The following TCF20 variants were observed in gnomAD, a reference collection of about 807,000 sequenced individuals.
TCF20 encodes transcription factor 20.
In TCF20, 3 loss-of-function variants were observed where a neutral mutation model predicts 148.6. That is an observed-to-expected ratio of 0.02 (90% confidence interval 0.01 to 0.05). The LOEUF (loss-of-function observed/expected upper bound fraction) is 0.05, where lower values mean the gene tolerates loss of function less well. Among genes scored for constraint, TCF20 ranks in the 10% least tolerant of loss-of-function variants. The pLI, the probability that TCF20 is intolerant of heterozygous loss-of-function variation, is 1.00. For missense variants in TCF20, 2,350 were observed against 2,429.3 expected, an observed-to-expected ratio of 0.97 and a Z score of 0.69; for synonymous variants, 1,049 against 909.5, an observed-to-expected ratio of 1.15 and a Z score of -2.76.
intron 1 of TCF20, among the ~76,000 whole-genome samples, chr22:42,312,039 TGGA>T: frequency 6.6e-6 from 1 of 152,178 alleles, no homozygotes; most frequent in African/African-American, 2.4e-5. Context: ...GAGGAAGACA[TGGA>T]GGATGGGGAA....
intron 2 of TCF20, among the ~76,000 whole-genome samples, chr22:42,199,205 T>C (rs2147156723): frequency 6.6e-6 from 1 of 152,342 alleles, no homozygotes; most frequent in Admixed American, 6.5e-5. Flanking sequence ...ATCTTTTTCA[T>C]GACTCAGGAG....
intron 2 of TCF20, among the ~76,000 whole-genome samples, chr22:42,204,324 G>C (rs565981868): frequency 8.3e-4 from 126 of 152,202 alleles, no homozygotes; most frequent in Non-Finnish European, 1.1e-3. Context: ...CTCAAATCCC[G>C]TCTCTACTAA....
chr22:42,174,403 G>A (rs1468688373), intron 3 of TCF20, among the ~76,000 whole-genome samples: 4 of 152,150 alleles, frequency 2.6e-5, no homozygotes, highest in Non-Finnish European at 4.4e-5. Context: ...AACGGGGGCA[G>A]CCTCCAGGGG....
intron 1 of TCF20, among the ~76,000 whole-genome samples, chr22:42,313,590 A>ATTCTTTCTTT (rs1569207181): frequency 7.2e-6 from 1 of 138,756 alleles, no homozygotes; most frequent in African/African-American, 2.8e-5. Flanking sequence ...CCTCAACAGA[A>ATTCTTTCTTT]TTCTTTCTTT....
rs917265091 is a variant in TCF20, at chr22:42,323,486, G to T, written c.-37+19993C>A. On this transcript the variant is annotated intron_variant, in intron 1 of 1. Coordinates refer to the TCF20 transcript ENST00000515426. ...GAACAGGAGGACGGTGGAAGAGATG[G>T]GAGTGCTACTCTCGGTCATCCAGGG... is the stretch of plus-strand genomic sequence containing the variant. Among the ~76,000 whole-genome samples, 6 of 151,906 alleles carry T rather than the reference G, an allele frequency of 3.9e-5. No individual in the cohort carries two copies. The East Asian group carries it at 7.7e-4, about 20-fold the overall frequency.
At chr22:42,242,202 C>CA (rs151190006) in intron 1 of TCF20, among the ~76,000 whole-genome samples, 1,371 of 59,612 alleles carry the variant, frequency 0.023, 75 homozygotes, top group South Asian at 0.044. Context: ...GACTTCGCCT[C>CA]AAAAAAAAAA....
intron 4 of TCF20, among the ~76,000 whole-genome samples, chr22:42,169,427 A>G (rs1440730186): frequency 6.6e-6 from 1 of 152,134 alleles, no homozygotes; most frequent in Non-Finnish European, 1.5e-5. Context: ...GCTTCCCCAG[A>G]GCCTTGTGGT....
At chr22:42,174,735 A>C (rs184673424) in intron 3 of TCF20, among the ~76,000 whole-genome samples, 309 of 149,828 alleles carry the variant, frequency 2.1e-3, no homozygotes, top group African/African-American at 7.2e-3. Flanking sequence ...TTTTTTTTTC[A>C]CTTAAAAGCC....
chr22:42,331,387 G>A (rs1004322484), intron 1 of TCF20, among the ~76,000 whole-genome samples: 5 of 152,196 alleles, frequency 3.3e-5, no homozygotes, highest in Non-Finnish European at 7.3e-5. Flanking sequence ...ATCAGGGAGG[G>A]ACAATCACAA....
rs147708307 is a variant in TCF20, at chr22:42,302,103, A to G, written c.-37+41376T>C. ...GCAAAGGAGGGACAGCTAATGGGAC[A>G]GGAGGCAAAGGGGCCAGTCTGGGAG... On this transcript the variant is annotated intron_variant, in intron 1 of 1. Coordinates refer to the TCF20 transcript ENST00000515426. 5.1e-4 allele frequency among the ~76,000 whole-genome samples: 78 copies of G among 152,338 alleles called. No homozygotes were observed. In the East Asian group the frequency reaches 0.015, roughly 29 times the overall value.
At chr22:42,302,735 T>C (rs1017356042) in intron 1 of TCF20, among the ~76,000 whole-genome samples, 4 of 152,184 alleles carry the variant, frequency 2.6e-5, no homozygotes, top group Non-Finnish European at 5.9e-5. Flanking sequence ...CCCCACCCAC[T>C]ACACTCAAAT....
At chr22:42,296,679 CAG>C (rs1569203542) in intron 1 of TCF20, among the ~76,000 whole-genome samples, 1 of 152,236 alleles carries the variant, frequency 6.6e-6, no homozygotes, top group Non-Finnish European at 1.5e-5. Context: ...CACCCCCAAA[CAG>C]GGCTCCAGCC....
In TCF20 at chr22:42,329,995, TC is replaced by T; in HGVS notation, c.-37+13483del. On this transcript the variant is annotated intron_variant, in intron 1 of 1. Coordinates refer to the TCF20 transcript ENST00000515426. ...CCACCCAGCCATCTAGCAGAGGCCC[TC>T]GGCTGCCTGTGGGCCCCTTCCCTTG... 2.0e-5 allele frequency among the ~76,000 whole-genome samples: 3 copies of T among 152,266 alleles called. No homozygotes were observed. The South Asian group carries it at 6.2e-4, about 32-fold the overall frequency.
At chr22:42,178,645 C>T (rs1936587614) in intron 3 of TCF20, among the ~76,000 whole-genome samples, 1 of 129,946 alleles carries the variant, frequency 7.7e-6, no homozygotes, top group African/African-American at 3.0e-5. Flanking sequence ...GGCTGGAGTG[C>T]AGTGGCGTGA....
At chr22:42,201,654 G>C in intron 2 of TCF20, among the ~76,000 whole-genome samples, 1 of 152,054 alleles carries the variant, frequency 6.6e-6, no homozygotes, top group Admixed American at 6.6e-5. Context: ...TGCAACTTCA[G>C]CTACTCAGGA....
intron 1 of TCF20, among the ~76,000 whole-genome samples, chr22:42,337,919 A>C (rs934279290): frequency 6.6e-6 from 1 of 152,170 alleles, no homozygotes; most frequent in African/African-American, 2.4e-5. Context: ...CCAAATCCAG[A>C]ATGGGCCTGG....
At chr22:42,235,947 AC>A (rs2147292270) in intron 1 of TCF20, among the ~76,000 whole-genome samples, 1 of 152,310 alleles carries the variant, frequency 6.6e-6, no homozygotes, top group Non-Finnish European at 1.5e-5. Context: ...TAATCCCAGC[AC>A]TTTGGGAGGC....
At chr22:42,167,262 C>G (rs1935843516) in intron 5 of TCF20, among the ~76,000 whole-genome samples, 1 of 152,198 alleles carries the variant, frequency 6.6e-6, no homozygotes, top group Non-Finnish European at 1.5e-5. Context: ...GCAGCCCCCA[C>G]TTGACTTCTC....
At chr22:42,188,288 C>T (rs972109021) in intron 2 of TCF20, among the ~76,000 whole-genome samples, 4 of 15,824 alleles carry the variant, frequency 2.5e-4, no homozygotes, top group Non-Finnish European at 7.1e-4. Context: ...AGTGAAACTC[C>T]GTCTCAAAAA....
Sources: allele counts gnomAD v4.1 joint callset (sites outside exome capture counted in the v4.1 genomes callset), GRCh38; gene constraint gnomAD v4.1.1; transcripts MANE v1.5; gene names NCBI Gene and HGNC (gene_info 2026-07-23, HGNC 2026-07-21).